Variants in GFRA2 observed in about 807,000 individuals in gnomAD.
The protein encoded by GFRA2 is GDNF family receptor alpha 2.
A neutral mutation model predicts 48.3 loss-of-function variants in GFRA2; 17 were observed. That is an observed-to-expected ratio of 0.35 (90% CI 0.24 to 0.53). The LOEUF (loss-of-function observed/expected upper bound fraction) is 0.53, where lower values mean the gene tolerates loss of function less well. Among genes scored for constraint, GFRA2 ranks in the 20% least tolerant of loss-of-function variants. The pLI is 0.93. For missense variants in GFRA2, 660 were observed against 637.3 expected (o/e 1.04, Z -0.38); for synonymous variants, 305 against 257.2 (o/e 1.19, Z -1.78).
In GFRA2 at chr8:21,750,076, T is replaced by G. The variant is rs577472117; in HGVS notation, c.794+512A>C. ...AAGTATATATATGTGTATATATGTGTGTGTGTGTGTATACACACACACACA... is the reference window on the plus strand; with the variant it reads ...AAGTATATATATGTGTATATATGTGGGTGTGTGTGTATACACACACACACA... On this transcript the variant is annotated intron_variant, in intron 4 of 8. Coordinates refer to ENST00000524240, the MANE Select transcript of GFRA2 (RefSeq NM_001495.5). The surrounding 1 kb of genome is among the most constrained non-coding windows in gnomAD (Gnocchi z 5.7). Among the ~76,000 whole-genome samples the G allele has an allele frequency of 7.8e-6, 1 of 127,542 alleles. No homozygotes were observed. The highest frequency in any genetic ancestry group is 7.2e-5 in the Admixed American group (1 of 13,850). The allele number at this position is 127,542 out of a possible 152,430, so 83.7% of individuals were successfully genotyped here. A position where few individuals can be genotyped will look rare whatever the true frequency, so the allele number is the denominator to read the frequency against.
chr8:21,702,799 C>A lies in GFRA2; in HGVS notation c.1218+6G>T, dbSNP rs1392024041. 2 of 1,593,336 alleles carry A rather than the reference C, an allele frequency of 1.3e-6. No individual in the cohort carries two copies. The highest frequency in any genetic ancestry group is 1.7e-6 in the Non-Finnish European group (2 of 1,170,666). Reference sequence around the variant, plus strand: ...CTCCCCCCACGCCTCAGCCACACACCCTCACCTGGACAGACGTGCAGGTGG... The same window carrying A: ...CTCCCCCCACGCCTCAGCCACACACACTCACCTGGACAGACGTGCAGGTGG... On this transcript the variant is annotated splice_donor_region_variant and intron_variant, in intron 7 of 8. Transcript: ENST00000524240.
intron 1 of GFRA2, chr8:21,784,276 T>C (rs1411150640): frequency 2.4e-5 from 11 of 455,962 alleles, no homozygotes; most frequent in Non-Finnish European, 4.4e-5. Flanking sequence ...GATAAGCCCC[T>C]AACTCGAGAT....
At chr8:21,710,750 G>C (rs1468405313) in intron 4 of GFRA2, among the ~76,000 whole-genome samples, 1 of 152,232 alleles carries the variant, frequency 6.6e-6, no homozygotes, top group African/African-American at 2.4e-5. Flanking sequence ...CGGAGGGGGA[G>C]AACACAGGCC....
At chr8:21,737,059 C>G (rs1804503801) in intron 4 of GFRA2, among the ~76,000 whole-genome samples, 1 of 152,124 alleles carries the variant, frequency 6.6e-6, no homozygotes, top group Non-Finnish European at 1.5e-5. Context: ...CAATACTCCT[C>G]TGATGCTGGC....
chr8:21,765,113 A>T (rs994718118), intron 3 of GFRA2, among the ~76,000 whole-genome samples: 1 of 140,098 alleles, frequency 7.1e-6, no homozygotes, highest in Non-Finnish European at 1.5e-5. Context: ...TTTATTTTTT[A>T]TTTATTTATT....
intron 3 of GFRA2, among the ~76,000 whole-genome samples, chr8:21,759,758 A>C (rs1563252415): frequency 6.6e-6 from 1 of 151,240 alleles, no homozygotes; most frequent in Non-Finnish European, 1.5e-5. Context: ...GTGTGGTGGC[A>C]TGTGCCTGTA....
chr8:21,759,364 C>T (rs34914986), intron 3 of GFRA2, among the ~76,000 whole-genome samples: 33,335 of 145,912 alleles, frequency 0.23, 3,920 homozygotes, highest in South Asian at 0.29. Context: ...CCAACCTGGG[C>T]GACAGAGTGA....
At chr8:21,753,189 T>G (rs1042162231) in intron 3 of GFRA2, among the ~76,000 whole-genome samples, 4 of 152,190 alleles carry the variant, frequency 2.6e-5, no homozygotes, top group South Asian at 2.1e-4. Flanking sequence ...ACAGAACAAT[T>G]TGTGCTTTCT....
chr8:21,764,489 C>A (rs1585315265), intron 3 of GFRA2, among the ~76,000 whole-genome samples: 1 of 152,228 alleles, frequency 6.6e-6, no homozygotes, highest in Non-Finnish European at 1.5e-5. Flanking sequence ...CACCTTAACT[C>A]ATTATTTGAT....
intron 4 of GFRA2, among the ~76,000 whole-genome samples, chr8:21,722,879 G>GGCTGGTTA (rs1286508603): frequency 1.3e-5 from 2 of 152,142 alleles, no homozygotes; most frequent in Non-Finnish European, 2.9e-5. Context: ...CATGCACCAG[G>GGCTGGTTA]GCTGGTTACA....
chr8:21,771,646 A>G (rs1806443621), intron 3 of GFRA2, among the ~76,000 whole-genome samples: 2 of 152,188 alleles, frequency 1.3e-5, no homozygotes, highest in African/African-American at 4.8e-5. Flanking sequence ...AGAGATGAAG[A>G]AGAATACACG....
At chr8:21,698,505 C>G (rs1020614833) in intron 7 of GFRA2, among the ~76,000 whole-genome samples, 3 of 152,122 alleles carry the variant, frequency 2.0e-5, no homozygotes, top group African/African-American at 7.2e-5. Flanking sequence ...CTGGCCCAGG[C>G]GCTAGTCTAG....
intron 3 of GFRA2, among the ~76,000 whole-genome samples, chr8:21,770,176 C>T (rs1262381728): frequency 6.6e-6 from 1 of 152,228 alleles, no homozygotes; most frequent in African/African-American, 2.4e-5. Context: ...CCACCAAGCA[C>T]TATCCCAGCG....
chr8:21,711,765 G>A (rs1271896489), intron 4 of GFRA2, among the ~76,000 whole-genome samples: 1 of 151,688 alleles, frequency 6.6e-6, no homozygotes, highest in East Asian at 1.9e-4. Context: ...AATAGTGGAG[G>A]AAAGGTCAGC....
chr8:21,812,017 C>A (rs1274931960), intron 1 of GFRA2, among the ~76,000 whole-genome samples: 1 of 152,182 alleles, frequency 6.6e-6, no homozygotes, highest in Non-Finnish European at 1.5e-5. Context: ...ATAGATCCCG[C>A]CATCCCGCAC....
chr8:21,718,560 A>G (rs1036747760), intron 4 of GFRA2, among the ~76,000 whole-genome samples: 10 of 152,196 alleles, frequency 6.6e-5, no homozygotes, highest in African/African-American at 2.2e-4. Flanking sequence ...GATTAACATT[A>G]GGAGGCTCCA....
At chr8:21,769,244 C>T (rs1482407664) in intron 3 of GFRA2, 2 of 846,174 alleles carry the variant, frequency 2.4e-6, no homozygotes, top group African/African-American at 3.8e-5. Context: ...TGGCCCCAGC[C>T]CCGCCCCAGC....
At chr8:21,715,991 T>C (rs1803312121) in intron 4 of GFRA2, among the ~76,000 whole-genome samples, 1 of 152,178 alleles carries the variant, frequency 6.6e-6, no homozygotes. Context: ...GATTCTGTTT[T>C]TATTTTTCTT....
intron 1 of GFRA2, chr8:21,784,326 T>C: frequency 2.2e-6 from 1 of 456,156 alleles, no homozygotes; most frequent in Non-Finnish European, 4.4e-6. Flanking sequence ...CCCAGAGCCA[T>C]GACTGCCCTT....
Sources: allele counts gnomAD v4.1 joint callset (sites outside exome capture counted in the v4.1 genomes callset), GRCh38; gene constraint gnomAD v4.1.1; non-coding constraint Gnocchi (gnomAD v3.1); transcripts MANE v1.5; gene names NCBI Gene and HGNC (gene_info 2026-07-23, HGNC 2026-07-21).